Variants in NOM1 observed in about 807,000 individuals in gnomAD.
The protein encoded by NOM1 is nucleolar MIF4G domain-containing protein 1.
Under a neutral mutation model 73.3 loss-of-function variants are expected in NOM1, and 58 were observed. The ratio of observed to expected loss-of-function variants is 0.79; its 90% CI spans 0.64 to 0.99. The LOEUF (loss-of-function observed/expected upper bound fraction) is 0.99. NOM1 is among the 50% of genes least tolerant of loss of function. The pLI is 0.00. For synonymous variants in NOM1, 487 were observed against 446.8 expected (o/e 1.09, Z -1.14); for missense variants, 1,226 against 1,131.9 (o/e 1.08, Z -1.19).
rs758979672 is a variant in NOM1 at position 156,972,017 on chromosome 7, C to G, written c.*2314C>G. 6.6e-6 allele frequency: 1 copy of G among 152,210 alleles called. No individual in the cohort carries two copies. The highest frequency in any genetic ancestry group is 2.1e-4 in the South Asian group (1 of 4,830). 9.4% of individuals were successfully genotyped at this position (152,210 alleles called of 1,614,324 possible). A position where few individuals can be genotyped will look rare whatever the true frequency, so the allele number is the denominator to read the frequency against. On this transcript the variant is annotated 3_prime_UTR_variant, in exon 11 of 11. Coordinates refer to ENST00000275820, the MANE Select transcript of NOM1 (RefSeq NM_138400.2). The stretch of plus-strand genomic sequence containing the variant: ...GGGTGGTGATTGGGATGTAACAGAT[C>G]AGTTCTACTGGACTTGTAGCTTGAT...
rs532582134 is a variant in NOM1, at chr7:156,965,653, T to C, written c.2034-617T>C. On this transcript the variant is annotated intron_variant, in intron 7 of 10. Transcript: ENST00000275820. The stretch of plus-strand genomic sequence containing the variant: ...AAACGACGGCAGGCACCGTGGCTCA[T>C]GCCTGTAATCCCAGCACTTTGGGAG... 1.1e-3 allele frequency among the ~76,000 whole-genome samples: 162 copies of C among 152,316 alleles called. 1 individual carries two copies. Among genetic ancestry groups the C allele is most frequent in the Non-Finnish European group, 1.7e-3 (115 of 68,024 alleles).
At chr7:156,965,312 A>G (rs1804966997) in intron 7 of NOM1, among the ~76,000 whole-genome samples, 1 of 152,240 alleles carries the variant, frequency 6.6e-6, no homozygotes, top group African/African-American at 2.4e-5. Flanking sequence ...TCTAAGGGAT[A>G]CTTACTACTT....
chr7:156,952,350 C>T, intron 1 of NOM1, 124 bp from the exon 2 acceptor site: 2 of 973,610 alleles, frequency 2.1e-6, no homozygotes, highest in Non-Finnish European at 3.0e-6. Flanking sequence ...ATTTAAGCAG[C>T]AATGATCAGT....
chr7:156,953,826 G>A (rs889678204), intron 2 of NOM1, among the ~76,000 whole-genome samples: 2 of 152,148 alleles, frequency 1.3e-5, no homozygotes, highest in Non-Finnish European at 2.9e-5. Context: ...GTATCCTCAC[G>A]TATGTTTCTG....
Position 156,968,241 on chromosome 7 carries a change from A to T in NOM1, c.2299-846A>T, listed in dbSNP as rs547128342. On this transcript the variant is annotated intron_variant, in intron 9 of 10. Transcript: ENST00000275820. ...TTTCGCTCGCCCAGGCATTGCGCTCATCCTGGAACAGCACAGATGCTACCA... is the reference window on the plus strand; with the variant it reads ...TTTCGCTCGCCCAGGCATTGCGCTCTTCCTGGAACAGCACAGATGCTACCA... 2.0e-5 allele frequency among the ~76,000 whole-genome samples: 3 copies of T among 152,242 alleles called. No individual in the cohort carries two copies. In the South Asian group the frequency reaches 6.2e-4, roughly 32 times the overall value.
At chr7:156,968,237 G>A (rs921677333) in intron 9 of NOM1, among the ~76,000 whole-genome samples, 6 of 152,260 alleles carry the variant, frequency 3.9e-5, no homozygotes, top group East Asian at 3.9e-4. Context: ...CAGGCATTGC[G>A]CTCATCCTGG....
chr7:156,969,056 A>T (rs1405556649), intron 9 of NOM1, 31 bp from the exon 10 acceptor site: 1 of 1,229,712 alleles, frequency 8.1e-7, no homozygotes, highest in African/African-American at 1.5e-5. Flanking sequence ...AATCAGTGTA[A>T]CTTTATTTTT....
At chr7:156,965,202 T>C (rs1466918645) in intron 7 of NOM1, among the ~76,000 whole-genome samples, 1 of 152,236 alleles carries the variant, frequency 6.6e-6, no homozygotes, top group Non-Finnish European at 1.5e-5. Flanking sequence ...TGTCTGCCTC[T>C]GTGCAGAGGT....
At position 156,950,150 on chromosome 7, in the gene NOM1, C is replaced by T. The variant is rs753552520; in HGVS notation, c.413C>T (p.Pro138Leu). 41 of 1,584,826 alleles carry T rather than the reference C, an allele frequency of 2.6e-5. No individual in the cohort carries two copies. The highest frequency in any genetic ancestry group is 3.5e-5 in the Non-Finnish European group (41 of 1,169,202). The change falls in exon 1 of 11, where the codon CCC becomes CTC. Residue 138 changes from proline to leucine, a missense_variant. Physicochemically the swap from Pro to Leu is moderately conservative, Grantham distance 98. Coordinates refer to ENST00000275820, the MANE Select transcript of NOM1 (RefSeq NM_138400.2). ...GCCCGCCCAGCCCCTAGTCGGGACC[C>T]CTCGCCTCCCAGGAAGCCGCGGCCG... ...ERARPAPSRDPSPPRKPRPSR... is the reference protein window; with the variant it reads ...ERARPAPSRDLSPPRKPRPSR...
chr7:156,959,533 C>A (rs1460115921), intron 3 of NOM1, among the ~76,000 whole-genome samples: 1 of 152,196 alleles, frequency 6.6e-6, no homozygotes, highest in Non-Finnish European at 1.5e-5. Context: ...TGAGCCACCG[C>A]ACCTGGCCAG....
In NOM1 at chr7:156,960,120, T is replaced by C. The variant is rs1205005898; in HGVS notation, c.1578T>C (p.Thr526=). Residue 526 remains threonine, a synonymous_variant, in exon 4 of 11, where the codon ACT becomes ACC. Coordinates refer to ENST00000275820, the MANE Select transcript of NOM1 (RefSeq NM_138400.2). ...DDALSLKELI[T]EAQTKASGAG... ...CTTTATCACTTAAGGAATTGATCAC[T>C]GAAGCCCAGACCAAAGCCAGCGGGG... The C allele has an allele frequency of 3.1e-6, 5 of 1,614,116 alleles. No homozygotes were observed. The highest frequency in any genetic ancestry group is 1.6e-4 in the Middle Eastern group (1 of 6,062).
chr7:156,961,860 G>A (rs774945127), intron 4 of NOM1, among the ~76,000 whole-genome samples: 3 of 152,192 alleles, frequency 2.0e-5, no homozygotes, highest in Non-Finnish European at 4.4e-5. Flanking sequence ...CCGAGTAGGT[G>A]TGGACGGTGC....
At chr7:156,966,592 G>A (rs1286794734) in intron 8 of NOM1, among the ~76,000 whole-genome samples, 190 bp downstream of exon 8, 1 of 152,312 alleles carries the variant, frequency 6.6e-6, no homozygotes, top group South Asian at 2.1e-4. Context: ...GGAGTGTCAA[G>A]GGTCCACCAT....
chr7:156,967,002 G>A lies in NOM1; in HGVS notation c.2208G>A (p.Leu736=). The change falls in exon 9 of 11, where the codon TTG becomes TTA. Residue 736 remains leucine (L), a synonymous_variant. Transcript: ENST00000275820. The stretch of plus-strand genomic sequence containing the variant: ...GCATATGGGACAAATTTCGGGACTT[G>A]GAAAACTTGCCAGCTACGAATTTCT... The part of the protein sequence containing the change: ...QFSIWDKFRD[L]ENLPATNFSN... 6.2e-7 allele frequency: 1 copy of A among 1,613,636 alleles called. No individual in the cohort carries two copies. The highest frequency in any genetic ancestry group is 8.5e-7 in the Non-Finnish European group (1 of 1,179,930).
In NOM1 at chr7:156,949,923, C is replaced by T. The variant is rs776947549; in HGVS notation, c.186C>T (p.Pro62=). 2.6e-6 allele frequency: 4 copies of T among 1,542,118 alleles called. No individual in the cohort carries two copies. Among genetic ancestry groups the T allele is most frequent in the African/African-American group, 1.4e-5 (1 of 72,990 alleles). ...FVHATSEGEA[P]GGCEGRGAPV... ...ACGCGACTTCGGAAGGCGAGGCTCC[C>T]GGGGGTTGCGAGGGGCGCGGCGCCC... Residue 62 remains proline, a synonymous_variant, in exon 1 of 11, where the codon CCC becomes CCT. Coordinates refer to ENST00000275820, the MANE Select transcript of NOM1 (RefSeq NM_138400.2).
intron 9 of NOM1, chr7:156,968,744 G>C (rs1805069754): frequency 7.1e-6 from 1 of 141,740 alleles, no homozygotes; most frequent in Non-Finnish European, 1.5e-5. Context: ...GTTTTAATTA[G>C]GGGATGGGTA....
intron 5 of NOM1, among the ~76,000 whole-genome samples, 169 bp downstream of exon 5, chr7:156,962,430 G>A (rs928282734): frequency 2.6e-5 from 4 of 152,220 alleles, no homozygotes; most frequent in African/African-American, 9.6e-5. Context: ...GGCTGTCCCA[G>A]TGGTCTGGGC....
chr7:156,949,937 G>A lies in NOM1; in HGVS notation c.200G>A (p.Gly67Glu), dbSNP rs1454296685. 1.9e-6 allele frequency: 3 copies of A among 1,542,024 alleles called. No homozygotes were observed. The highest frequency in any genetic ancestry group is 2.6e-6 in the Non-Finnish European group (3 of 1,145,982). Residue 67 changes from glycine to glutamate, a missense_variant, in exon 1 of 11, where the codon GGG becomes GAG. By Grantham distance (98) the Gly-to-Glu change is moderately conservative (BLOSUM62 -2). Coordinates refer to ENST00000275820, the MANE Select transcript of NOM1 (RefSeq NM_138400.2). ...SEGEAPGGCE[G>E]RGAPVSFRPG... ...GGCGAGGCTCCCGGGGGTTGCGAGGGGCGCGGCGCCCCGGTGAGCTTTCGC... is the reference window on the plus strand; with the variant it reads ...GGCGAGGCTCCCGGGGGTTGCGAGGAGCGCGGCGCCCCGGTGAGCTTTCGC...
chr7:156,951,055 C>A (rs1312072320), intron 1 of NOM1, among the ~76,000 whole-genome samples: 2 of 152,172 alleles, frequency 1.3e-5, no homozygotes, highest in African/African-American at 4.8e-5. Flanking sequence ...TTTCGAGTAT[C>A]CGAGGACATC....
Sources: gnomAD v4.1 joint callset for allele counts (sites outside exome capture counted in the v4.1 genomes callset) on GRCh38, gnomAD v4.1.1 for gene constraint, MANE v1.5 for transcripts, NCBI Gene and HGNC (gene_info 2026-07-23, HGNC 2026-07-21) for gene names.